Variants in NOX4 observed in about 807,000 individuals in gnomAD.
The protein encoded by NOX4 is NADPH oxidase 4, also known as kidney oxidase-1.
Under a neutral mutation model 87.6 loss-of-function variants are expected in NOX4, and 69 were observed. The ratio of observed to expected loss-of-function variants is 0.79; its 90% CI spans 0.65 to 0.96. The LOEUF (loss-of-function observed/expected upper bound fraction) is 0.96, where lower values mean the gene tolerates loss of function less well. Ranked by LOEUF, NOX4 falls within the 40% of genes least tolerant of loss-of-function variation. The pLI, the probability that NOX4 is intolerant of heterozygous loss-of-function variation, is 0.00. For missense variants in NOX4, 680 were observed against 681.5 expected, an observed-to-expected ratio of 1.00 and a Z score of 0.02; for synonymous variants, 275 against 238.2, an observed-to-expected ratio of 1.15 and a Z score of -1.42.
chr11:89,448,262 C>T (rs1944794825), intron 4 of NOX4, among the ~76,000 whole-genome samples: 1 of 152,050 alleles, frequency 6.6e-6, no homozygotes, highest in Admixed American at 6.6e-5. Flanking sequence ...AGAGAGGTAA[C>T]ATCACACATT....
the NOX4 span, among the ~76,000 whole-genome samples, chr11:89,506,050 A>G: frequency 0.58 from 88,453 of 151,518 alleles, 26,783 homozygotes; most frequent in Non-Finnish European, 0.7. Context: ...AGATATAAAA[A>G]TAAGTATAGA....
chr11:89,438,384 T>C (rs1342360187), intron 6 of NOX4, among the ~76,000 whole-genome samples: 3 of 113,250 alleles, frequency 2.6e-5, no homozygotes, highest in East Asian at 2.4e-4. Context: ...TAATATATAA[T>C]ATATAATTAT....
the NOX4 span, among the ~76,000 whole-genome samples, chr11:89,525,422 G>C: frequency 4.3e-3 from 657 of 152,072 alleles, 9 homozygotes; most frequent in African/African-American, 0.015. Context: ...TAATGGATAT[G>C]TAATGTACCT....
At chr11:89,577,665 G>A in the NOX4 span, 3 of 152,134 alleles carry the variant, frequency 2.0e-5, no homozygotes, top group Non-Finnish European at 4.4e-5. Context: ...TATGGCTACA[G>A]AGAAAAACTT....
intron 11 of NOX4, among the ~76,000 whole-genome samples, chr11:89,375,539 C>T (rs1165851919): frequency 1.3e-5 from 2 of 152,104 alleles, no homozygotes; most frequent in Non-Finnish European, 2.9e-5. Context: ...AACTCTTGGC[C>T]TCATATTATC....
At position 89,325,112 on chromosome 11, in the gene NOX4, A is replaced by ATTTTTTTTTTT. The variant is rs1590923384; in HGVS notation, c.*1643_*1644insAAAAAAAAAAA. On this transcript the variant is annotated 3_prime_UTR_variant, in exon 18 of 18. Transcript: ENST00000263317. ...ATCACTAAACTGTATGAATGCTTTA[A>ATTTTTTTTTTT]TTCTTTTTTTTTTTTTTTTTTTTTT... The ATTTTTTTTTTT allele has an allele frequency of 1.1e-4, 8 of 71,236 alleles. No homozygotes were observed. The highest frequency in any genetic ancestry group is 3.2e-4 in the East Asian group (1 of 3,122). The allele number at this position is 71,236 out of a possible 1,614,324, so 4.4% of individuals were successfully genotyped here. A position where few individuals can be genotyped will look rare whatever the true frequency, so the allele number is the denominator to read the frequency against.
chr11:89,413,196 G>A (rs534591800), intron 8 of NOX4, among the ~76,000 whole-genome samples: 1 of 152,230 alleles, frequency 6.6e-6, no homozygotes, highest in Non-Finnish European at 1.5e-5. Flanking sequence ...TGAGAATGTG[G>A]AGAAAAGGGA....
intron 11 of NOX4, among the ~76,000 whole-genome samples, chr11:89,379,972 T>C (rs1284412520): frequency 2.0e-5 from 3 of 152,136 alleles, no homozygotes; most frequent in African/African-American, 7.2e-5. Flanking sequence ...CCATATCATG[T>C]CATTTCTCCA....
intron 2 of NOX4, among the ~76,000 whole-genome samples, chr11:89,465,869 G>A (rs1945671710): frequency 2.0e-5 from 3 of 151,884 alleles, no homozygotes; most frequent in Admixed American, 1.3e-4. Flanking sequence ...GTAGATTCTG[G>A]ATATTAGCCC....
intron 2 of NOX4, among the ~76,000 whole-genome samples, chr11:89,460,911 A>G (rs571989321): frequency 6.6e-6 from 1 of 152,336 alleles, no homozygotes; most frequent in East Asian, 1.9e-4. Flanking sequence ...ACCAACCCAA[A>G]TGTCCAACAA....
At position 89,325,264 on chromosome 11, in the gene NOX4, T is replaced by G. The variant is rs917363227; in HGVS notation, c.*1492A>C. The G allele has an allele frequency of 5.9e-5, 9 of 151,776 alleles. No individual in the cohort carries two copies. The highest frequency in any genetic ancestry group is 2.2e-4 in the African/African-American group (9 of 41,314). The allele number at this position is 151,776 out of a possible 1,614,324, so 9.4% of individuals were successfully genotyped here. On this transcript the variant is annotated 3_prime_UTR_variant, in exon 18 of 18. Coordinates refer to ENST00000263317, the MANE Select transcript of NOX4 (RefSeq NM_016931.5). ...TCAGTCTCCCGAGTAGTTGGGATTA[T>G]AGGCACCCGCCACCACACCCGCCTA...
the NOX4 span, among the ~76,000 whole-genome samples, chr11:89,570,001 C>CAA: frequency 1.8e-5 from 2 of 109,930 alleles, no homozygotes; most frequent in East Asian, 2.6e-4. Flanking sequence ...GACTCTGTCT[C>CAA]AAAAAAAAAA....
intron 3 of NOX4, among the ~76,000 whole-genome samples, chr11:89,450,546 T>C (rs981042809): frequency 6.6e-6 from 1 of 152,120 alleles, no homozygotes; most frequent in Admixed American, 6.6e-5. Flanking sequence ...TTTACAACAC[T>C]GCATATAATA....
intron 8 of NOX4, among the ~76,000 whole-genome samples, chr11:89,418,226 T>A (rs893591390): frequency 1.3e-5 from 2 of 151,660 alleles, no homozygotes; most frequent in Non-Finnish European, 2.9e-5. Flanking sequence ...GATCACATAC[T>A]CCAAGAACAT....
chr11:89,446,337 C>A (rs963913377), intron 4 of NOX4, among the ~76,000 whole-genome samples: 14 of 152,088 alleles, frequency 9.2e-5, no homozygotes, highest in African/African-American at 3.1e-4. Context: ...ACTCTTACCA[C>A]ATGATCTCGC....
chr11:89,461,262 A>G (rs1382742746), intron 2 of NOX4, among the ~76,000 whole-genome samples: 1 of 152,104 alleles, frequency 6.6e-6, no homozygotes, highest in Non-Finnish European at 1.5e-5. Context: ...CACATATGTA[A>G]CAAACCTGCA....
the NOX4 span, among the ~76,000 whole-genome samples, chr11:89,540,786 TAAAAAAAAAAAAAAAAAAAAAAAAAA>T: frequency 4.1e-4 from 18 of 43,518 alleles, no homozygotes; most frequent in East Asian, 2.3e-3. Context: ...AGACTCCGTC[TAAAAAAAAAAAAAAAAAAAAAAAAAA>T]AAAAAAAAAA....
At chr11:89,369,616 C>T (rs2135043659) in intron 12 of NOX4, among the ~76,000 whole-genome samples, 1 of 152,180 alleles carries the variant, frequency 6.6e-6, no homozygotes, top group Middle Eastern at 3.4e-3. Context: ...AGAGTACTTC[C>T]AGGCACTCCT....
At chr11:89,363,422 T>C (rs1389260231) in intron 12 of NOX4, among the ~76,000 whole-genome samples, 1 of 152,142 alleles carries the variant, frequency 6.6e-6, no homozygotes, top group Non-Finnish European at 1.5e-5. Flanking sequence ...CTATCATTTG[T>C]CACATACTGT....
Sources: gnomAD v4.1 joint callset for allele counts (sites outside exome capture counted in the v4.1 genomes callset) on GRCh38, gnomAD v4.1.1 for gene constraint, MANE v1.5 for transcripts, NCBI Gene and HGNC (gene_info 2026-07-23, HGNC 2026-07-21) for gene names.